R3HDM1: variants seen among roughly 807,000 people sequenced by gnomAD.
The protein encoded by R3HDM1 is R3H domain-containing protein 1.
In R3HDM1, 46 loss-of-function variants were observed where a neutral mutation model predicts 141.1. The observed-to-expected ratio is 0.33, with a 90% CI of 0.26 to 0.42. The LOEUF (loss-of-function observed/expected upper bound fraction) is 0.42. Ranked by LOEUF, R3HDM1 falls within the 10% of genes least tolerant of loss-of-function variation. R3HDM1 has a pLI of 1.00. For missense variants in R3HDM1, 1,184 were observed against 1,368.3 expected, an observed-to-expected ratio of 0.87 and a Z score of 2.12; for synonymous variants, 435 against 472.9, an observed-to-expected ratio of 0.92 and a Z score of 1.04.
intron 5 of R3HDM1, chr2:135,619,709 G>A: frequency 1.0e-6 from 1 of 961,026 alleles, no homozygotes; most frequent in Non-Finnish European, 1.2e-6. Flanking sequence ...AATCCTTGAT[G>A]GTAGACACAG....
intron 1 of R3HDM1, among the ~76,000 whole-genome samples, chr2:135,548,102 G>T (rs1699117506): frequency 6.6e-6 from 1 of 152,092 alleles, no homozygotes; most frequent in Non-Finnish European, 1.5e-5. Context: ...AGACTTGATT[G>T]ATGCATAGAA....
chr2:135,556,423 C>T (rs1256871117), intron 1 of R3HDM1, among the ~76,000 whole-genome samples: 1 of 151,692 alleles, frequency 6.6e-6, no homozygotes, highest in East Asian at 1.9e-4. Context: ...AACACTAGAA[C>T]ATATATGATC....
At chr2:135,590,740 T>C in intron 1 of R3HDM1, 1 of 985,232 alleles carries the variant, frequency 1.0e-6, no homozygotes, top group Non-Finnish European at 1.2e-6. Context: ...ACCTTCAAGC[T>C]GTAAAATTGT....
rs200417705 is a variant in R3HDM1 at position 135,637,651 on chromosome 2, A to T, written c.904-967A>T. On this transcript the variant is annotated intron_variant, in intron 11 of 26. Transcript: ENST00000683871. ...TGACAGAGTGACTCTGTCTCAAAAG[A>T]TTCAGAGTAGCCAGATTCTAGCCTG... Among the ~76,000 whole-genome samples the T allele has an allele frequency of 2.0e-5, 3 of 152,304 alleles. No individual in the cohort carries two copies. In the East Asian group the frequency reaches 5.8e-4, roughly 29 times the overall value.
intron 1 of R3HDM1, among the ~76,000 whole-genome samples, chr2:135,592,244 A>G (rs949544742): frequency 2.6e-5 from 4 of 152,346 alleles, no homozygotes; most frequent in Admixed American, 6.5e-5. Flanking sequence ...TGACAAAGAC[A>G]TTTCCATCAG....
At chr2:135,591,249 A>G (rs888316420) in intron 1 of R3HDM1, among the ~76,000 whole-genome samples, 2 of 152,206 alleles carry the variant, frequency 1.3e-5, no homozygotes, top group African/African-American at 4.8e-5. Flanking sequence ...TAAGACCTGT[A>G]AAGGATTTTC....
intron 21 of R3HDM1, among the ~76,000 whole-genome samples, chr2:135,692,132 G>A (rs543345939): frequency 2.8e-4 from 43 of 151,900 alleles, no homozygotes; most frequent in African/African-American, 8.9e-4. Context: ...GGCAGGTCTC[G>A]AACTGAACCT....
Position 135,551,288 on chromosome 2 carries a change from GC to G in R3HDM1, c.-250+19656del, listed in dbSNP as rs541986498. ...AGAAACAAAATTAGAAGTGGGAGAG[GC>G]TGCCCGCTGTAGCTGCACTAGCAGC... On this transcript the variant is annotated intron_variant, in intron 1 of 26. Coordinates refer to ENST00000683871, the MANE Select transcript of R3HDM1 (RefSeq NM_001378107.1). Among the ~76,000 whole-genome samples, 11 of 152,304 alleles carry G rather than the reference GC, an allele frequency of 7.2e-5. No homozygotes were observed. In the East Asian group the frequency reaches 1.9e-3, roughly 27 times the overall value.
rs568356081 is a variant in R3HDM1 at position 135,531,529 on chromosome 2, G to A, written c.-354G>A. ...CGCTGGAGCCGGTGTCCGGGCTGGT[G>A]ATGGGGTTAATTCCCTTTCGTAAGA... On this transcript the variant is annotated 5_prime_UTR_variant, in exon 1 of 27. Transcript: ENST00000683871. 8.3e-5 allele frequency: 82 copies of A among 985,848 alleles called. No individual in the cohort carries two copies. In the African/African-American group the frequency reaches 1.4e-3, roughly 16 times the overall value. The allele number at this position is 985,848 out of a possible 1,614,324, so 61.1% of individuals were successfully genotyped here.
chr2:135,609,913 A>G (rs1394842994), intron 3 of R3HDM1, among the ~76,000 whole-genome samples: 1 of 152,026 alleles, frequency 6.6e-6, no homozygotes, highest in Non-Finnish European at 1.5e-5. Flanking sequence ...ATGTGGTGGC[A>G]TGCACTTGTA....
intron 23 of R3HDM1, among the ~76,000 whole-genome samples, chr2:135,714,123 T>G (rs2075940431): frequency 6.6e-6 from 1 of 152,054 alleles, no homozygotes; most frequent in Admixed American, 6.6e-5. Flanking sequence ...ACAAGATACT[T>G]AAAACTACAA....
At chr2:135,709,361 C>T (rs955706465) in intron 21 of R3HDM1, 72 bp from the exon 22 acceptor site, 12 of 1,581,920 alleles carry the variant, frequency 7.6e-6, no homozygotes, top group East Asian at 4.6e-5. Context: ...GCGTGAGCAC[C>T]GCGCCCAGCC....
chr2:135,567,878 T>C (rs1478676100), intron 1 of R3HDM1, among the ~76,000 whole-genome samples: 1 of 149,970 alleles, frequency 6.7e-6, no homozygotes, highest in East Asian at 2.0e-4. Flanking sequence ...TAGCTGGGAC[T>C]GCAGGCGTGC....
Position 135,590,658 on chromosome 2 carries a change from T to C in R3HDM1, c.-249-11842T>C. The C allele has an allele frequency of 5.1e-6, 5 of 985,390 alleles. No homozygotes were observed. The South Asian group carries it at 1.9e-4, about 37-fold the overall frequency. 61.0% of individuals were successfully genotyped at this position (985,390 alleles called of 1,614,324 possible). On this transcript the variant is annotated intron_variant, in intron 1 of 26. Transcript: ENST00000683871. Reference sequence around the variant, plus strand: ...AGAAATTATATCTGCTAGCTCTACATGTATAGTATGTAGTGTGAACTATGA... The same window carrying C: ...AGAAATTATATCTGCTAGCTCTACACGTATAGTATGTAGTGTGAACTATGA...
At chr2:135,624,474 C>T (rs760108341) in intron 7 of R3HDM1, among the ~76,000 whole-genome samples, 5 of 151,554 alleles carry the variant, frequency 3.3e-5, no homozygotes, top group Non-Finnish European at 7.4e-5. Context: ...CTATCGTCAG[C>T]AAGGGATAAT....
chr2:135,607,883 G>A, intron 3 of R3HDM1: 1 of 982,710 alleles, frequency 1.0e-6, no homozygotes, highest in Non-Finnish European at 1.2e-6. Context: ...AACAAACATG[G>A]GTATGGTCTT....
chr2:135,545,352 C>T (rs571426975), intron 1 of R3HDM1, among the ~76,000 whole-genome samples: 1 of 152,162 alleles, frequency 6.6e-6, no homozygotes, highest in African/African-American at 2.4e-5. Context: ...CAGATAGAAA[C>T]TATTGCAATG....
chr2:135,632,056 C>T, intron 9 of R3HDM1, 55 bp downstream of exon 9: 1 of 1,324,724 alleles, frequency 7.5e-7, no homozygotes, highest in Non-Finnish European at 1.0e-6. Context: ...AATACTTTAT[C>T]TTTCTATATT....
At chr2:135,641,855 T>C in intron 15 of R3HDM1, 65 bp downstream of exon 15, 1 of 1,460,586 alleles carries the variant, frequency 6.8e-7, no homozygotes, top group South Asian at 1.4e-5. Context: ...ATTAAATGTA[T>C]TTTCTGAATA....
Sources: allele counts gnomAD v4.1 joint callset (sites outside exome capture counted in the v4.1 genomes callset), GRCh38; gene constraint gnomAD v4.1.1; transcripts MANE v1.5; gene names NCBI Gene and HGNC (gene_info 2026-07-23, HGNC 2026-07-21).